The following SERTAD1 variants were observed in gnomAD, a reference collection of about 807,000 sequenced individuals.
SERTAD1 encodes SERTA domain containing 1, also known as SERTA domain-containing protein 1.
In SERTAD1, 5 loss-of-function variants were observed where a neutral mutation model predicts 11.7. The ratio of observed to expected loss-of-function variants is 0.43; its 90% CI spans 0.22 to 0.90. The LOEUF (loss-of-function observed/expected upper bound fraction) is 0.90, where lower values mean the gene tolerates loss of function less well. Among genes scored for constraint, SERTAD1 ranks in the 40% least tolerant of loss-of-function variants. SERTAD1 has a pLI of 0.27. For synonymous variants in SERTAD1, 139 were observed against 141.4 expected, an observed-to-expected ratio of 0.98 and a Z score of 0.12; for missense variants, 287 against 313.9, an observed-to-expected ratio of 0.91 and a Z score of 0.65.
rs1442429163 is a variant in SERTAD1, at chr19:40,425,978, GC to G, written c.-113del. ...TCCTCCGGAAACCCGCGCCTGGGTC[GC>G]GAGACGCAGTTCTGACTCCGGCTCA... On this transcript the variant is annotated 5_prime_UTR_variant, in exon 1 of 2. Coordinates refer to ENST00000357949, the MANE Select transcript of SERTAD1 (RefSeq NM_013376.4). 2.6e-5 allele frequency: 4 copies of G among 152,258 alleles called. No homozygotes were observed. Among genetic ancestry groups the G allele is most frequent in the Non-Finnish European group, 4.4e-5 (3 of 68,060 alleles). 9.4% of individuals were successfully genotyped at this position (152,258 alleles called of 1,614,324 possible).
chr19:40,425,426 G>A lies in SERTAD1; in HGVS notation c.-1+441C>T, dbSNP rs575669001. On this transcript the variant is annotated intron_variant, in intron 1 of 1. Coordinates refer to ENST00000357949, the MANE Select transcript of SERTAD1 (RefSeq NM_013376.4). ...GCCCCCACCCCCGACTCCGCCCCCG[G>A]GTCCCGGCGCCCCCTAGCGGTGCCC... 4.6e-5 allele frequency among the ~76,000 whole-genome samples: 7 copies of A among 152,222 alleles called. No homozygotes were observed. In the South Asian group the frequency reaches 1.5e-3, roughly 32 times the overall value.
In SERTAD1 at chr19:40,422,952, C is replaced by T. The variant is rs1383445620; in HGVS notation, c.595G>A (p.Glu199Lys). 4 of 1,607,676 alleles carry T rather than the reference C, an allele frequency of 2.5e-6. No homozygotes were observed. The highest frequency in any genetic ancestry group is 2.5e-6 in the Non-Finnish European group (3 of 1,177,000). The change falls in exon 2 of 2, where the codon GAG (glutamate) becomes AAG (lysine). Residue 199 changes from glutamate (E) to lysine (K), a missense_variant. Physicochemically the swap from Glu to Lys is moderately conservative, Grantham distance 56 (BLOSUM62 1). Transcript: ENST00000357949. The part of the protein sequence containing the change: ...PASEGLKPGP[E>K]DGPGKEEAPE... The stretch of plus-strand genomic sequence containing the variant: ...GCTTCCTCCTTGCCCGGCCCATCCT[C>T]AGGGCCTGGTTTGAGGCCCTCAGAG...
At chr19:40,425,438 C>G (rs1175003012) in intron 1 of SERTAD1, among the ~76,000 whole-genome samples, 1 of 152,162 alleles carries the variant, frequency 6.6e-6, no homozygotes, top group Non-Finnish European at 1.5e-5. Context: ...TCCCGGCGCC[C>G]CCTAGCGGTG....
chr19:40,422,597 A>G lies in SERTAD1; in HGVS notation c.*239T>C. ...CAGCCCAAGCTATGACCCCAGGGCC[A>G]GGGAATTCAGTCCCCACCAGACCCT... On this transcript the variant is annotated 3_prime_UTR_variant, in exon 2 of 2. Coordinates refer to ENST00000357949, the MANE Select transcript of SERTAD1 (RefSeq NM_013376.4). The G allele has an allele frequency of 2.0e-6, 1 of 498,192 alleles. No homozygotes were observed. The highest frequency in any genetic ancestry group is 3.5e-6 in the Non-Finnish European group (1 of 283,846). 30.9% of individuals were successfully genotyped at this position (498,192 alleles called of 1,614,324 possible).
In SERTAD1 at chr19:40,423,061, A is replaced by G. The variant is rs4150991; in HGVS notation, c.486T>C (p.Thr162=). 0.01 allele frequency: 16,179 copies of G among 1,581,348 alleles called. 1,010 individuals are homozygous for G. In the Admixed American group the frequency reaches 0.17, roughly 17 times the overall value. Residue 162 remains threonine (T), a synonymous_variant, in exon 2 of 2, where the codon ACT becomes ACC. Transcript: ENST00000357949. The part of the protein sequence containing the change: ...LGALDLLGPA[T]GCLLDDGLEG... ...CAAGCCCATCGTCCAGTAGACAGCC[A>G]GTGGCTGGGCCCAGCAGGTCCAAGG... is the stretch of plus-strand genomic sequence containing the variant.
At chr19:40,425,781 G>A (rs1417806443) in intron 1 of SERTAD1, 86 bp downstream of exon 1, 4 of 152,270 alleles carry the variant, frequency 2.6e-5, no homozygotes, top group Non-Finnish European at 5.9e-5. Flanking sequence ...AGCCCCGGCG[G>A]GCACCTGTCG....
chr19:40,424,804 C>T (rs894027993), intron 1 of SERTAD1, among the ~76,000 whole-genome samples: 1 of 152,170 alleles, frequency 6.6e-6, no homozygotes, highest in African/African-American at 2.4e-5. Context: ...GGTAGGAGAC[C>T]AGATTGGGGA....
At position 40,423,313 on chromosome 19, in the gene SERTAD1, C is replaced by T. The variant is rs559448634; in HGVS notation, c.234G>A (p.Gln78=). The T allele has an allele frequency of 1.9e-6, 3 of 1,610,022 alleles. No homozygotes were observed. The highest frequency in any genetic ancestry group is 2.2e-5 in the East Asian group (1 of 44,758). The part of the protein sequence containing the change: ...VLVVNTLRRI[Q]ASMAPAAALP... ...GGGCAGCCGCGGGTGCCATGGACGC[C>T]TGGATGCGCCGCAGAGTGTTCACGA... is the stretch of plus-strand genomic sequence containing the variant. The change falls in exon 2 of 2, where the codon CAG becomes CAA. Residue 78 remains glutamine (Q), a synonymous_variant. Transcript: ENST00000357949.
At position 40,422,973 on chromosome 19, in the gene SERTAD1, C is replaced by T. The variant is rs1202414827; in HGVS notation, c.574G>A (p.Glu192Lys). 6.3e-7 allele frequency: 1 copy of T among 1,599,922 alleles called. No individual in the cohort carries two copies. The highest frequency in any genetic ancestry group is 1.1e-5 in the South Asian group (1 of 89,124). The change falls in exon 2 of 2, where the codon GAG becomes AAG. Residue 192 changes from glutamate to lysine, a missense_variant. By Grantham distance (56) the Glu-to-Lys change is moderately conservative (BLOSUM62 1). Transcript: ENST00000357949. ...YDNELWAPAS[E>K]GLKPGPEDGP... ...TCCTCAGGGCCTGGTTTGAGGCCCT[C>T]AGAGGCTGGTGCCCAAAGTTCATTG...
At chr19:40,424,223 T>C (rs1450645058) in intron 1 of SERTAD1, among the ~76,000 whole-genome samples, 1 of 151,898 alleles carries the variant, frequency 6.6e-6, no homozygotes, top group Non-Finnish European at 1.5e-5. Context: ...TCTCACTATG[T>C]TGCCCAGGGT....
Position 40,423,260 on chromosome 19 carries a change from G to A in SERTAD1, c.287C>T (p.Ala96Val). 1 of 1,607,770 alleles carries A rather than the reference G, an allele frequency of 6.2e-7. No individual in the cohort carries two copies. The highest frequency in any genetic ancestry group is 8.5e-7 in the Non-Finnish European group (1 of 1,176,480). ...CAGTAAGTTGTCAGCCACACTGGGG[G>A]CTGCAGGTGGGCTAGGCACAGGTGG... ...ALPPVPSPPAAPSVADNLLAS... is the reference protein window; with the variant it reads ...ALPPVPSPPAVPSVADNLLAS... Residue 96 changes from alanine to valine, a missense_variant, in exon 2 of 2, where the codon GCC (alanine) becomes GTC (valine). Ala to Val is a moderately conservative substitution (Grantham distance 64). Transcript: ENST00000357949.
intron 1 of SERTAD1, among the ~76,000 whole-genome samples, chr19:40,423,757 C>T (rs1568724408): frequency 6.6e-6 from 1 of 152,120 alleles, no homozygotes; most frequent in African/African-American, 2.4e-5. Context: ...GATGGAGTCT[C>T]GCTCTGTTGC....
chr19:40,424,456 T>C (rs1263522250), intron 1 of SERTAD1, among the ~76,000 whole-genome samples: 3 of 151,998 alleles, frequency 2.0e-5, no homozygotes, highest in East Asian at 1.9e-4. Context: ...AAATAAGTTA[T>C]AATATTATAA....
Position 40,422,982 on chromosome 19 carries a change from G to A in SERTAD1, c.565C>T (p.Pro189Ser). ...CCTGGTTTGAGGCCCTCAGAGGCTG[G>A]TGCCCAAAGTTCATTGTCATACATA... ...TSMYDNELWA[P>S]ASEGLKPGPE... The change falls in exon 2 of 2, where the codon CCA becomes TCA. Residue 189 changes from proline to serine, a missense_variant. Transcript: ENST00000357949. 6 of 1,594,838 alleles carry A rather than the reference G, an allele frequency of 3.8e-6. No individual in the cohort carries two copies. Among genetic ancestry groups the A allele is most frequent in the Non-Finnish European group, 5.1e-6 (6 of 1,170,050 alleles).
chr19:40,423,504 C>G lies in SERTAD1; in HGVS notation c.43G>C (p.Glu15Gln). 2 of 1,582,782 alleles carry G rather than the reference C, an allele frequency of 1.3e-6. No individual in the cohort carries two copies. Among genetic ancestry groups the G allele is most frequent in the Non-Finnish European group, 1.7e-6 (2 of 1,160,214 alleles). ...GLKRKREEEE[E>Q]KEPLAVDSWW... ...GAGTCGACTGCCAGAGGTTCCTTCTCCTCCTCCTCCTCCCGTTTCCGCTTC... is the reference window on the plus strand; with the variant it reads ...GAGTCGACTGCCAGAGGTTCCTTCTGCTCCTCCTCCTCCCGTTTCCGCTTC... Residue 15 changes from glutamate to glutamine, a missense_variant, in exon 2 of 2, where the codon GAG becomes CAG. Transcript: ENST00000357949.
Position 40,422,695 on chromosome 19 carries a change from G to T in SERTAD1, c.*141C>A. 2 of 884,816 alleles carry T rather than the reference G, an allele frequency of 2.3e-6. No individual in the cohort carries two copies. The highest frequency in any genetic ancestry group is 3.3e-6 in the Non-Finnish European group (2 of 602,362). The allele number at this position is 884,816 out of a possible 1,614,324, so 54.8% of individuals were successfully genotyped here. ...GAGACAGGAGGACGGATGTGAAGTT[G>T]CCCAGGACTAGATTCTGTCTCTCCA... On this transcript the variant is annotated 3_prime_UTR_variant, in exon 2 of 2. Coordinates refer to ENST00000357949, the MANE Select transcript of SERTAD1 (RefSeq NM_013376.4).
Position 40,422,053 on chromosome 19 carries a change from G to A in SERTAD1, c.*783C>T, listed in dbSNP as rs1313852534. On this transcript the variant is annotated 3_prime_UTR_variant, in exon 2 of 2. Transcript: ENST00000357949. ...AGGCAGGAGAATCGTTTGAACCTGG[G>A]AGGTGGAGGTTGCAGTGAGCCGAAG... 1.3e-5 allele frequency: 2 copies of A among 151,692 alleles called. No individual in the cohort carries two copies. Among genetic ancestry groups the A allele is most frequent in the African/African-American group, 4.8e-5 (2 of 41,260 alleles). The allele number at this position is 151,692 out of a possible 1,614,324, so 9.4% of individuals were successfully genotyped here. A position where few individuals can be genotyped will look rare whatever the true frequency, so the allele number is the denominator to read the frequency against.
chr19:40,422,628 T>C lies in SERTAD1; in HGVS notation c.*208A>G, dbSNP rs1374380460. The C allele has an allele frequency of 3.5e-6, 2 of 574,774 alleles. No homozygotes were observed. Among genetic ancestry groups the C allele is most frequent in the Non-Finnish European group, 6.0e-6 (2 of 331,932 alleles). The allele number at this position is 574,774 out of a possible 1,614,324, so 35.6% of individuals were successfully genotyped here. A position where few individuals can be genotyped will look rare whatever the true frequency, so the allele number is the denominator to read the frequency against. The stretch of plus-strand genomic sequence containing the variant: ...TTCAGTCCCCACCAGACCCTGTCAT[T>C]CCATCACTAGGGGGTAATTCCAGGC... On this transcript the variant is annotated 3_prime_UTR_variant, in exon 2 of 2. Transcript: ENST00000357949.
chr19:40,424,004 A>C (rs1471716029), intron 1 of SERTAD1, among the ~76,000 whole-genome samples: 1 of 152,160 alleles, frequency 6.6e-6, no homozygotes, highest in Non-Finnish European at 1.5e-5. Flanking sequence ...CTGGGATTAC[A>C]TGCGTGAGCC....
Sources: allele counts gnomAD v4.1 joint callset (sites outside exome capture counted in the v4.1 genomes callset), GRCh38; gene constraint gnomAD v4.1.1; transcripts MANE v1.5; gene names NCBI Gene and HGNC (gene_info 2026-07-23, HGNC 2026-07-21).